CYFIP1: variants seen among roughly 807,000 people sequenced by gnomAD.
CYFIP1 encodes cytoplasmic FMR1-interacting protein 1.
CYFIP1 carries 58 observed loss-of-function variants against 163.5 expected under a neutral mutation model. That is an observed-to-expected ratio of 0.35 (90% confidence interval 0.29 to 0.44). The LOEUF (loss-of-function observed/expected upper bound fraction) is 0.44. CYFIP1 is among the 20% of genes least tolerant of loss of function. The probability of loss-of-function intolerance (pLI) is 1.00; values close to 1 mark genes in which losing one functional copy is unlikely to be tolerated. For synonymous variants in CYFIP1, 663 were observed against 660.7 expected (o/e 1.00, Z -0.05); for missense variants, 1,338 against 1,653.8 (o/e 0.81, Z 3.31).
Position 22,939,240 on chromosome 15 carries a change from G to C in CYFIP1, c.747C>G (p.Tyr249Ter). ...ADIVNLCVDY[Y>*]ENRMYLTPSE... ...TGGGCGTCAAATACATCCTGTTCTCGTAGTAATCCACACACAGATTCACAA... is the reference window on the plus strand; with the variant it reads ...TGGGCGTCAAATACATCCTGTTCTCCTAGTAATCCACACACAGATTCACAA... The change falls in exon 8 of 31, where the codon TAC (tyrosine) becomes TAG (stop). Residue 249 changes from tyrosine to a stop codon, truncating the protein, a stop_gained. Transcript: ENST00000617928. LOFTEE classifies it high-confidence loss of function. The C allele has an allele frequency of 6.2e-7, 1 of 1,614,170 alleles. No individual in the cohort carries two copies. The highest frequency in any genetic ancestry group is 1.3e-5 in the African/African-American group (1 of 75,042).
rs572482787 is a variant in CYFIP1 at position 22,889,603 on chromosome 15, C to T, written c.2676+3287G>A. On this transcript the variant is annotated intron_variant, in intron 23 of 30. Transcript: ENST00000617928. The stretch of plus-strand genomic sequence containing the variant: ...TCGATCCATCAGAACCGCAGGTGCA[C>T]GGCCCCACGCAGTCGGGTCGCCTGC... Among the ~76,000 whole-genome samples, 92 of 152,292 alleles carry T rather than the reference C, an allele frequency of 6.0e-4. 1 individual carries two copies. The highest frequency in any genetic ancestry group is 2.1e-3 in the African/African-American group (87 of 41,566).
intron 22 of CYFIP1, among the ~76,000 whole-genome samples, chr15:22,901,338 A>G (rs1027718910): frequency 1.3e-5 from 2 of 152,202 alleles, no homozygotes; most frequent in African/African-American, 4.8e-5. Flanking sequence ...GTTTGTTTAC[A>G]TCATCTCAAA....
intron 21 of CYFIP1, 169 bp from the exon 22 acceptor site, chr15:22,904,074 CCA>C (rs2060491203): frequency 1.6e-6 from 1 of 644,154 alleles, no homozygotes; most frequent in African/African-American, 1.8e-5. Context: ...TCTTGGCACC[CCA>C]CCTTTTCAGT....
At chr15:22,910,888 G>C (rs1371404414) in intron 18 of CYFIP1, 75 bp from the exon 19 acceptor site, 4 of 1,301,376 alleles carry the variant, frequency 3.1e-6, no homozygotes, top group Non-Finnish European at 4.4e-6. Context: ...AAAACAAAAT[G>C]TTTCGTTAAG....
chr15:22,870,040 G>C lies in CYFIP1; in HGVS notation c.3750C>G (p.Leu1250=). Residue 1250 remains leucine (L), a synonymous_variant, in exon 31 of 31, where the codon CTC becomes CTG. Transcript: ENST00000617928. Reference sequence around the variant, plus strand: ...GCAGCGCGTGCCCTCAGCTGCTGGCGAGGGACTGGTGGATGGGCGGCTGGA... The same window carrying C: ...GCAGCGCGTGCCCTCAGCTGCTGGCCAGGGACTGGTGGATGGGCGGCTGGA... The part of the protein sequence containing the change: ...RCFQPPIHQS[L]ASS 2.5e-6 allele frequency: 4 copies of C among 1,603,474 alleles called. No homozygotes were observed. The highest frequency in any genetic ancestry group is 3.4e-6 in the Non-Finnish European group (4 of 1,176,598).
chr15:22,939,511 T>C lies in CYFIP1; in HGVS notation c.570-4A>G, dbSNP rs761254941. On this transcript the variant is annotated splice_polypyrimidine_tract_variant and splice_region_variant and intron_variant, in intron 6 of 30. Transcript: ENST00000617928. Reference sequence around the variant, plus strand: ...TTTACGTAAAAACTGAGCGGCCCTTTGAAAACAAAAAGAATTCATCCCAAA... The same window carrying C: ...TTTACGTAAAAACTGAGCGGCCCTTCGAAAACAAAAAGAATTCATCCCAAA... The C allele has an allele frequency of 3.3e-5, 51 of 1,533,702 alleles. No individual in the cohort carries two copies. The highest frequency in any genetic ancestry group is 4.2e-5 in the Non-Finnish European group (48 of 1,138,868).
At position 22,910,566 on chromosome 15, in the gene CYFIP1, G is replaced by A. The variant is rs758446827; in HGVS notation, c.2222C>T (p.Pro741Leu). The change falls in exon 20 of 31, where the codon CCG becomes CTG. Residue 741 changes from proline (P) to leucine (L), a missense_variant. By Grantham distance (98) the Pro-to-Leu change is moderately conservative (BLOSUM62 -3). Around this residue, in one of 4 missense-constraint regions of CYFIP1, gnomAD observed 824 missense variants for 995.7 expected, o/e 0.83. Coordinates refer to ENST00000617928, the MANE Select transcript of CYFIP1 (RefSeq NM_014608.6). ...CKNQGATIHLPPSNRYETLLK... is the reference protein window; with the variant it reads ...CKNQGATIHLLPSNRYETLLK... ...CAGCGTCTCGTAGCGGTTAGACGGC[G>A]GGAGGTGGATCGTGGCTCCCTGATT... 3.1e-6 allele frequency: 5 copies of A among 1,614,190 alleles called. No homozygotes were observed. The South Asian group carries it at 3.3e-5, about 11-fold the overall frequency.
intron 24 of CYFIP1, among the ~76,000 whole-genome samples, chr15:22,882,542 C>G (rs2059796517): frequency 6.6e-6 from 1 of 152,186 alleles, no homozygotes; most frequent in Non-Finnish European, 1.5e-5. Flanking sequence ...AGGTGGCTCA[C>G]GCCTGTAACC....
intron 1 of CYFIP1, among the ~76,000 whole-genome samples, chr15:22,971,914 A>ATTCAGTGCAATCTACAGG (rs2063109524): frequency 7.5e-6 from 1 of 133,094 alleles, no homozygotes; most frequent in Non-Finnish European, 1.6e-5. Context: ...CAATCTACAA[A>ATTCAGTGCAATCTACAGG]TTCAATGCAA....
At chr15:22,872,147 C>A (rs4778290) in intron 30 of CYFIP1, among the ~76,000 whole-genome samples, 1 of 151,744 alleles carries the variant, frequency 6.6e-6, no homozygotes, top group African/African-American at 2.4e-5. Context: ...ATACAAAAAT[C>A]AGCCGGGCGT....
chr15:22,891,442 A>G (rs530679483), intron 23 of CYFIP1, among the ~76,000 whole-genome samples: 110 of 152,198 alleles, frequency 7.2e-4, no homozygotes, highest in Non-Finnish European at 1.5e-3. Context: ...TAAAAAATAA[A>G]AAGAACATAT....
At position 22,869,944 on chromosome 15, in the gene CYFIP1, GA is replaced by G. The variant is rs2059376333; in HGVS notation, c.*83del. 2 of 1,337,474 alleles carry G rather than the reference GA, an allele frequency of 1.5e-6. No individual in the cohort carries two copies. Among genetic ancestry groups the G allele is most frequent in the Non-Finnish European group, 9.9e-7 (1 of 1,014,216 alleles). 82.9% of individuals were successfully genotyped at this position (1,337,474 alleles called of 1,614,324 possible). ...CCCCTTTAACAGGTACAGAGATACT[GA>G]AAAATAGTCCCTAAAAATCTCACTA... On this transcript the variant is annotated 3_prime_UTR_variant, in exon 31 of 31. Coordinates refer to ENST00000617928, the MANE Select transcript of CYFIP1 (RefSeq NM_014608.6).
At chr15:22,891,373 C>T (rs1472013257) in intron 23 of CYFIP1, among the ~76,000 whole-genome samples, 2 of 152,090 alleles carry the variant, frequency 1.3e-5, no homozygotes, top group African/African-American at 2.4e-5. Flanking sequence ...TGCAGTGAGC[C>T]GAGATCATGC....
At position 22,917,703 on chromosome 15, in the gene CYFIP1, C is replaced by T; in HGVS notation, c.1674+85G>A. ...GCAGGCAGCGAGGACCTCATTTAAC[C>T]CGGGCCTCACCAGCCCCACCCGCTC... On this transcript the variant is annotated intron_variant, in intron 15 of 30. Transcript: ENST00000617928. This position sits in a 1 kb window ranked among gnomAD's most constrained non-coding sequence, Gnocchi z 4.2. The T allele has an allele frequency of 6.9e-7, 1 of 1,452,486 alleles. No individual in the cohort carries two copies. The highest frequency in any genetic ancestry group is 9.2e-7 in the Non-Finnish European group (1 of 1,092,304). 90.0% of individuals were successfully genotyped at this position (1,452,486 alleles called of 1,614,324 possible). A position where few individuals can be genotyped will look rare whatever the true frequency, so the allele number is the denominator to read the frequency against.
At chr15:22,911,327 T>C (rs752298523) in intron 18 of CYFIP1, among the ~76,000 whole-genome samples, 3 of 152,132 alleles carry the variant, frequency 2.0e-5, no homozygotes, top group Admixed American at 6.5e-5. Flanking sequence ...AATATTCCTA[T>C]TCTCTGAAAT....
intron 22 of CYFIP1, among the ~76,000 whole-genome samples, chr15:22,900,272 A>G (rs72698065): frequency 0.097 from 14,735 of 152,080 alleles, 798 homozygotes; most frequent in East Asian, 0.17. Flanking sequence ...CAAGCCAAGA[A>G]CACCCAGAAC....
chr15:22,872,263 C>G (rs1207397499), intron 30 of CYFIP1, among the ~76,000 whole-genome samples: 4 of 149,602 alleles, frequency 2.7e-5, no homozygotes, highest in African/African-American at 9.9e-5. Flanking sequence ...GCATTGCACC[C>G]CAGCCTGAGC....
chr15:22,913,396 T>G (rs1204435641), intron 17 of CYFIP1, among the ~76,000 whole-genome samples: 1 of 146,612 alleles, frequency 6.8e-6, no homozygotes, highest in Non-Finnish European at 1.5e-5. Context: ...GGCGTGGTGG[T>G]GGGTGCCTGT....
At chr15:22,975,080 TAAC>T (rs1220732880) in intron 1 of CYFIP1, among the ~76,000 whole-genome samples, 1 of 152,178 alleles carries the variant, frequency 6.6e-6, no homozygotes, top group Non-Finnish European at 1.5e-5. Flanking sequence ...ATGATTTTCT[TAAC>T]AACATTTTCT....
Sources: allele counts gnomAD v4.1 joint callset (sites outside exome capture counted in the v4.1 genomes callset), GRCh38; gene constraint gnomAD v4.1.1; regional missense constraint gnomAD v4.1.1; non-coding constraint Gnocchi (gnomAD v3.1); transcripts MANE v1.5; gene names NCBI Gene and HGNC (gene_info 2026-07-23, HGNC 2026-07-21).